Variants in SLC16A9 observed in about 807,000 individuals in gnomAD.
The protein encoded by SLC16A9 is solute carrier family 16 member 9.
In SLC16A9, 26 loss-of-function variants were observed where a neutral mutation model predicts 44.3. The observed-to-expected ratio is 0.59, with a 90% CI of 0.43 to 0.81. The LOEUF is 0.81. Ranked by LOEUF, SLC16A9 falls within the 40% of genes least tolerant of loss-of-function variation. SLC16A9 has a pLI of 0.00. For synonymous variants in SLC16A9, 230 were observed against 225.1 expected (o/e 1.02, Z -0.19); for missense variants, 559 against 595.8 (o/e 0.94, Z 0.64).
intron 4 of SLC16A9, 83 bp downstream of exon 4, chr10:59,664,144 T>C (rs1338324374): frequency 9.6e-6 from 8 of 836,124 alleles, no homozygotes; most frequent in Non-Finnish European, 1.2e-5. Context: ...TAATGGTTGG[T>C]TAAACATGTC....
At chr10:59,705,978 C>T (rs1840628183) in intron 1 of SLC16A9, among the ~76,000 whole-genome samples, 1 of 152,192 alleles carries the variant, frequency 6.6e-6, no homozygotes, top group Admixed American at 6.5e-5. Context: ...CTCCAAACTG[C>T]TTTGCTTCCT....
chr10:59,702,499 T>C (rs933220497), intron 1 of SLC16A9, among the ~76,000 whole-genome samples: 1 of 152,214 alleles, frequency 6.6e-6, no homozygotes, highest in Non-Finnish European at 1.5e-5. Context: ...TTGTCCTCTG[T>C]AGTCAGCTCA....
rs1449414150 is a variant in SLC16A9, at chr10:59,679,854, C to T, written c.196+4242G>A. On this transcript the variant is annotated intron_variant, in intron 2 of 5. Transcript: ENST00000395348. ...GTAATTTGCATGGACTTCCCTCTCCCTGTCTATCTGCCTATGAAAGTCCAT... is the reference window on the plus strand; with the variant it reads ...GTAATTTGCATGGACTTCCCTCTCCTTGTCTATCTGCCTATGAAAGTCCAT... Among the ~76,000 whole-genome samples the T allele has an allele frequency of 9.2e-5, 14 of 152,328 alleles. 1 individual carries two copies. The highest frequency in any genetic ancestry group is 9.1e-4 in the Admixed American group (14 of 15,306).
At chr10:59,679,491 C>T (rs984923109) in intron 2 of SLC16A9, among the ~76,000 whole-genome samples, 10 of 152,168 alleles carry the variant, frequency 6.6e-5, no homozygotes. Flanking sequence ...TTGGAACTCT[C>T]AGGGATAGGC....
Position 59,664,230 on chromosome 10 carries a change from T to C in SLC16A9, c.433A>G (p.Thr145Ala), listed in dbSNP as rs1428840313. The C allele has an allele frequency of 4.4e-6, 7 of 1,607,034 alleles. No homozygotes were observed. Among genetic ancestry groups the C allele is most frequent in the African/African-American group, 1.3e-5 (1 of 74,726 alleles). Reference protein sequence around the residue: ...RRGLALGLISTGSSVGLFIYA... With the variant: ...RRGLALGLISAGSSVGLFIYA... ...TGTACTCATTTTGAAAATATACCTG[T>C]TGAAATCAGGCCAAGCGCTAGGCCT... is the stretch of plus-strand genomic sequence containing the variant. The change falls in exon 4 of 6, where the codon ACA becomes GCA. Residue 145 changes from threonine (T) to alanine (A), a missense_variant. Transcript: ENST00000395348.
At chr10:59,679,407 A>G (rs1406573410) in intron 2 of SLC16A9, among the ~76,000 whole-genome samples, 1 of 152,180 alleles carries the variant, frequency 6.6e-6, no homozygotes, top group Non-Finnish European at 1.5e-5. Flanking sequence ...AAACAACCAT[A>G]CTAGGCAGCC....
chr10:59,690,065 T>C (rs1314952110), intron 1 of SLC16A9, among the ~76,000 whole-genome samples: 1 of 152,144 alleles, frequency 6.6e-6, no homozygotes, highest in African/African-American at 2.4e-5. Flanking sequence ...CATGCACCTG[T>C]GGTCCCAGCT....
At chr10:59,673,038 T>G in intron 2 of SLC16A9, 125 bp from the exon 3 acceptor site, 1 of 807,946 alleles carries the variant, frequency 1.2e-6, no homozygotes, top group African/African-American at 1.8e-5. Flanking sequence ...ATGCAGACAC[T>G]ATATGAGGCA....
chr10:59,690,456 G>A (rs1479906338), intron 1 of SLC16A9, among the ~76,000 whole-genome samples: 1 of 152,182 alleles, frequency 6.6e-6, no homozygotes, highest in Non-Finnish European at 1.5e-5. Flanking sequence ...CGAAGGAAAT[G>A]AAAGCACTCA....
intron 1 of SLC16A9, among the ~76,000 whole-genome samples, chr10:59,688,299 A>G (rs1211453842): frequency 3.3e-5 from 5 of 152,206 alleles, no homozygotes; most frequent in Admixed American, 3.3e-4. Flanking sequence ...AGCTACACCC[A>G]TCATTTGCCT....
intron 3 of SLC16A9, among the ~76,000 whole-genome samples, chr10:59,665,405 T>G (rs1839587004): frequency 6.6e-6 from 1 of 152,196 alleles, no homozygotes; most frequent in Non-Finnish European, 1.5e-5. Flanking sequence ...ACAAATACAC[T>G]GCATAAACAT....
chr10:59,676,894 G>A (rs959379043), intron 2 of SLC16A9, among the ~76,000 whole-genome samples: 8 of 140,830 alleles, frequency 5.7e-5, no homozygotes, highest in African/African-American at 2.2e-4. Context: ...CTGTGCTCCA[G>A]CCTGGGCAAT....
intron 2 of SLC16A9, among the ~76,000 whole-genome samples, chr10:59,676,091 C>A (rs1839852820): frequency 6.6e-6 from 1 of 152,182 alleles, no homozygotes; most frequent in Non-Finnish European, 1.5e-5. Context: ...GGTAATGGTA[C>A]TTTTGTTAAT....
intron 2 of SLC16A9, among the ~76,000 whole-genome samples, chr10:59,682,880 AT>A (rs201455089): frequency 6.6e-4 from 74 of 112,890 alleles, no homozygotes; most frequent in African/African-American, 2.1e-3. Context: ...TGGCTATATT[AT>A]TTTTTTTTGT....
At chr10:59,703,726 G>GT (rs983613868) in intron 1 of SLC16A9, among the ~76,000 whole-genome samples, 121 of 146,696 alleles carry the variant, frequency 8.2e-4, no homozygotes, top group South Asian at 8.5e-4. Flanking sequence ...TTTTTTTTTC[G>GT]TTTTTTTTTT....
chr10:59,698,833 G>T (rs1840458114), intron 1 of SLC16A9, among the ~76,000 whole-genome samples: 1 of 151,948 alleles, frequency 6.6e-6, no homozygotes, highest in African/African-American at 2.4e-5. Flanking sequence ...CACCTCCCGG[G>T]TTCAAGCAAT....
intron 4 of SLC16A9, among the ~76,000 whole-genome samples, chr10:59,654,894 C>A (rs1041066765): frequency 6.6e-6 from 1 of 152,050 alleles, no homozygotes; most frequent in African/African-American, 2.4e-5. Context: ...ATGAAGTGAC[C>A]TAGGGCTGGA....
intron 1 of SLC16A9, among the ~76,000 whole-genome samples, chr10:59,704,236 G>A (rs372703435): frequency 6.6e-6 from 1 of 152,124 alleles, no homozygotes; most frequent in East Asian, 1.9e-4. Context: ...ACGTTGCCTT[G>A]CATTTAGTTT....
chr10:59,686,606 A>T (rs1429473658), intron 1 of SLC16A9, among the ~76,000 whole-genome samples: 1 of 152,148 alleles, frequency 6.6e-6, no homozygotes, highest in African/African-American at 2.4e-5. Context: ...CTTAAAAGCT[A>T]TTGATGTCTG....
Sources: gnomAD v4.1 joint callset for allele counts (sites outside exome capture counted in the v4.1 genomes callset) on GRCh38, gnomAD v4.1.1 for gene constraint, MANE v1.5 for transcripts, NCBI Gene and HGNC (gene_info 2026-07-23, HGNC 2026-07-21) for gene names.